RAB2A: variants seen among roughly 807,000 people sequenced by gnomAD.
The protein encoded by RAB2A is ras-related protein Rab-2A.
In RAB2A, 7 loss-of-function variants were observed where a neutral mutation model predicts 32.5. That is an observed-to-expected ratio of 0.22 (90% CI 0.12 to 0.40). The LOEUF is 0.40. Among genes scored for constraint, RAB2A ranks in the 10% least tolerant of loss-of-function variants. The pLI, the probability that RAB2A is intolerant of heterozygous loss-of-function variation, is 1.00. For synonymous variants in RAB2A, 79 were observed against 85.2 expected (o/e 0.93, Z 0.40); for missense variants, 108 against 260.7 (o/e 0.41, Z 4.03).
At chr8:60,616,574 CAATT>C (rs1401104685) in intron 6 of RAB2A, among the ~76,000 whole-genome samples, 1 of 152,246 alleles carries the variant, frequency 6.6e-6, no homozygotes, top group Non-Finnish European at 1.5e-5. Context: ...GAATGTGAAT[CAATT>C]CATACTTGGC....
chr8:60,621,090 G>C lies in RAB2A; in HGVS notation c.*321G>C, dbSNP rs769003975. 9.6e-6 allele frequency: 2 copies of C among 207,922 alleles called. No individual in the cohort carries two copies. The highest frequency in any genetic ancestry group is 2.3e-4 in the South Asian group (2 of 8,614). The allele number at this position is 207,922 out of a possible 1,614,324, so 12.9% of individuals were successfully genotyped here. The stretch of plus-strand genomic sequence containing the variant: ...AAAGTCATCTTGAGTATTTTAAATC[G>C]GTTTGTGTAGTTAGGTTTCCCAACA... On this transcript the variant is annotated 3_prime_UTR_variant, in exon 8 of 8. Transcript: ENST00000262646.
At chr8:60,575,351 T>C (rs1304716029) in intron 3 of RAB2A, among the ~76,000 whole-genome samples, 1 of 152,132 alleles carries the variant, frequency 6.6e-6, no homozygotes, top group Non-Finnish European at 1.5e-5. Flanking sequence ...ACTTTCTTCT[T>C]ACTTTCATAC....
intron 6 of RAB2A, among the ~76,000 whole-genome samples, chr8:60,607,500 C>T (rs1804255365): frequency 6.8e-6 from 1 of 148,058 alleles, no homozygotes; most frequent in African/African-American, 2.5e-5. Context: ...TTGTCTCAAA[C>T]TCTTCGGCTC....
intron 5 of RAB2A, among the ~76,000 whole-genome samples, chr8:60,589,779 G>C (rs536471736): frequency 8.8e-4 from 134 of 152,146 alleles, no homozygotes; most frequent in African/African-American, 3.0e-3. Flanking sequence ...TATGGCTTTT[G>C]AGTTTTTTGA....
At chr8:60,556,663 G>C (rs947665357) in intron 1 of RAB2A, among the ~76,000 whole-genome samples, 1 of 131,436 alleles carries the variant, frequency 7.6e-6, no homozygotes, top group Non-Finnish European at 1.6e-5. Context: ...AAAAAAAAAA[G>C]AGGAAGAAGA....
chr8:60,603,747 G>C (rs1274794241), intron 6 of RAB2A, among the ~76,000 whole-genome samples: 3 of 152,160 alleles, frequency 2.0e-5, no homozygotes, highest in Non-Finnish European at 4.4e-5. Context: ...GAGTGCAAAT[G>C]TCATAGCTTA....
chr8:60,519,151 TG>T (rs1320151391), intron 1 of RAB2A, among the ~76,000 whole-genome samples: 1 of 3,704 alleles, frequency 2.7e-4, no homozygotes, highest in African/African-American at 2.9e-3. Context: ...TTCTTGACAC[TG>T]TTATAGTCTG....
At chr8:60,520,174 A>G (rs1316679451) in intron 1 of RAB2A, among the ~76,000 whole-genome samples, 2 of 152,196 alleles carry the variant, frequency 1.3e-5, no homozygotes, top group Non-Finnish European at 2.9e-5. Flanking sequence ...AACAATGCAC[A>G]TTTTTCCTTT....
At chr8:60,520,980 C>A (rs559074150) in intron 1 of RAB2A, among the ~76,000 whole-genome samples, 2 of 152,218 alleles carry the variant, frequency 1.3e-5, no homozygotes, top group South Asian at 4.1e-4. Flanking sequence ...CCATGCCTGG[C>A]TAATTTTTAA....
At chr8:60,531,867 A>G (rs1288466015) in intron 1 of RAB2A, among the ~76,000 whole-genome samples, 3 of 143,078 alleles carry the variant, frequency 2.1e-5, no homozygotes, top group Non-Finnish European at 4.5e-5. Flanking sequence ...CAATGGCGTG[A>G]TCTTGGCTCA....
At chr8:60,607,054 T>C (rs929250669) in intron 6 of RAB2A, among the ~76,000 whole-genome samples, 6 of 152,278 alleles carry the variant, frequency 3.9e-5, no homozygotes, top group Middle Eastern at 3.4e-3. Context: ...GGAGACTGCT[T>C]TTTCTTTTTT....
At chr8:60,592,628 A>G (rs938383863) in intron 6 of RAB2A, among the ~76,000 whole-genome samples, 18 of 152,082 alleles carry the variant, frequency 1.2e-4, no homozygotes, top group African/African-American at 4.1e-4. Context: ...TGTTTCATCT[A>G]TTGATGAAAT....
intron 3 of RAB2A, among the ~76,000 whole-genome samples, chr8:60,572,973 A>G (rs796424420): frequency 1.5e-4 from 23 of 152,214 alleles, no homozygotes; most frequent in African/African-American, 5.5e-4. Context: ...GAGACTAGTG[A>G]TATCTGTCTG....
At chr8:60,528,590 T>C (rs1007867055) in intron 1 of RAB2A, among the ~76,000 whole-genome samples, 1 of 152,244 alleles carries the variant, frequency 6.6e-6, no homozygotes, top group Non-Finnish European at 1.5e-5. Flanking sequence ...TAATTGTTTT[T>C]TTTCCTACCC....
intron 1 of RAB2A, among the ~76,000 whole-genome samples, chr8:60,547,140 C>T (rs532169124): frequency 2.6e-4 from 39 of 151,702 alleles, no homozygotes; most frequent in African/African-American, 6.8e-4. Context: ...TAACAAAGCA[C>T]ATCTTGCACC....
intron 6 of RAB2A, among the ~76,000 whole-genome samples, chr8:60,608,169 A>G (rs542576363): frequency 6.6e-6 from 1 of 152,210 alleles, no homozygotes; most frequent in Non-Finnish European, 1.5e-5. Context: ...AAGTAATTGC[A>G]TGAAAGAAAG....
At chr8:60,522,797 T>C (rs925292225) in intron 1 of RAB2A, among the ~76,000 whole-genome samples, 8 of 152,126 alleles carry the variant, frequency 5.3e-5, no homozygotes, top group Non-Finnish European at 1.0e-4. Context: ...GGAAGACCTC[T>C]TCCTGTGGGA....
intron 1 of RAB2A, among the ~76,000 whole-genome samples, chr8:60,525,168 AGTCCCCACGT>A (rs1807359862): frequency 6.6e-6 from 1 of 152,156 alleles, no homozygotes; most frequent in African/African-American, 2.4e-5. Context: ...TAATTTCTGT[AGTCCCCACGT>A]GTTGAGGGAG....
chr8:60,590,731 C>G (rs1029291822), intron 5 of RAB2A, among the ~76,000 whole-genome samples: 1 of 151,422 alleles, frequency 6.6e-6, no homozygotes, highest in Non-Finnish European at 1.5e-5. Context: ...TAAAAACAAA[C>G]TAGATCTGCA....
Sources: gnomAD v4.1 joint callset for allele counts (sites outside exome capture counted in the v4.1 genomes callset) on GRCh38, gnomAD v4.1.1 for gene constraint, MANE v1.5 for transcripts, NCBI Gene and HGNC (gene_info 2026-07-23, HGNC 2026-07-21) for gene names.